Variants in TRIM22 observed in about 807,000 individuals in gnomAD.
TRIM22 encodes E3 ubiquitin-protein ligase TRIM22.
Under a neutral mutation model 53.6 loss-of-function variants are expected in TRIM22, and 45 were observed. That is an observed-to-expected ratio of 0.84 (90% CI 0.66 to 1.08). TRIM22 has a LOEUF of 1.08. TRIM22 is among the 50% of genes least tolerant of loss of function. The pLI, the probability that TRIM22 is intolerant of heterozygous loss-of-function variation, is 0.00. For missense variants in TRIM22, 616 were observed against 590.9 expected, an observed-to-expected ratio of 1.04 and a Z score of -0.44; for synonymous variants, 225 against 216.6, an observed-to-expected ratio of 1.04 and a Z score of -0.34.
At chr11:5,706,534 A>G in intron 4 of TRIM22, 60 bp from the exon 5 acceptor site, 9 of 1,566,270 alleles carry the variant, frequency 5.7e-6, no homozygotes, top group Non-Finnish European at 7.9e-6. Flanking sequence ...TGAACTAGCC[A>G]CTTTTATGTT....
intron 4 of TRIM22, among the ~76,000 whole-genome samples, chr11:5,700,101 T>C (rs192136933): frequency 6.6e-6 from 1 of 151,934 alleles, no homozygotes; most frequent in African/African-American, 2.4e-5. Context: ...TTTCATACTC[T>C]GCAGTTTGTA....
At chr11:5,707,784 C>T (rs753760651) in intron 5 of TRIM22, among the ~76,000 whole-genome samples, 4 of 151,970 alleles carry the variant, frequency 2.6e-5, no homozygotes, top group Non-Finnish European at 5.9e-5. Context: ...TACACTCCAG[C>T]CTGGATAACA....
intron 4 of TRIM22, among the ~76,000 whole-genome samples, chr11:5,705,254 A>G (rs541645523): frequency 6.6e-6 from 1 of 152,194 alleles, no homozygotes; most frequent in Non-Finnish European, 1.5e-5. Context: ...GTCATGAGTA[A>G]AAAGAGCCGT....
intron 4 of TRIM22, among the ~76,000 whole-genome samples, chr11:5,701,183 C>G (rs548297344): frequency 2.6e-5 from 4 of 152,218 alleles, no homozygotes; most frequent in Non-Finnish European, 4.4e-5. Flanking sequence ...AATGTCTTTA[C>G]TTGGCTCTGG....
intron 5 of TRIM22, among the ~76,000 whole-genome samples, chr11:5,707,705 G>T (rs1456960248): frequency 6.6e-6 from 1 of 152,036 alleles, no homozygotes; most frequent in Non-Finnish European, 1.5e-5. Flanking sequence ...CCAGCTACTT[G>T]GGAGGCTGAG....
At chr11:5,699,126 A>C (rs1171152852) in intron 4 of TRIM22, among the ~76,000 whole-genome samples, 2 of 152,218 alleles carry the variant, frequency 1.3e-5, no homozygotes, top group Non-Finnish European at 2.9e-5. Context: ...TGGCTATATG[A>C]ATATTTTCCA....
At chr11:5,692,267 G>A (rs1439498643) in intron 1 of TRIM22, among the ~76,000 whole-genome samples, 3 of 152,214 alleles carry the variant, frequency 2.0e-5, no homozygotes, top group Non-Finnish European at 4.4e-5. Flanking sequence ...CAAGGGCTTT[G>A]CAACTTTAAA....
In TRIM22 at chr11:5,709,079, G is replaced by GTTGCTATT; in HGVS notation, c.928_929insTTGCTATT (p.Ala310ValfsTer17). 1 of 1,613,510 alleles carries GTTGCTATT rather than the reference G, an allele frequency of 6.2e-7. No individual in the cohort carries two copies. Among genetic ancestry groups the GTTGCTATT allele is most frequent in the South Asian group, 1.1e-5 (1 of 91,076 alleles). On this transcript the variant is annotated frameshift_variant, in exon 8 of 8. Transcript: ENST00000379965. LOFTEE classifies it high-confidence loss of function. ...GGACGTGATGCTGAATCCAGGCAGTGCCACTTCGAATGTTGCTATTTCTGT... is the reference window on the plus strand; with the variant it reads ...GGACGTGATGCTGAATCCAGGCAGTGTTGCTATTCCACTTCGAATGTTGCTATTTCTGT...
intron 1 of TRIM22, among the ~76,000 whole-genome samples, chr11:5,692,917 C>T (rs1454677587): frequency 7.4e-6 from 1 of 135,720 alleles, no homozygotes; most frequent in Non-Finnish European, 1.5e-5. Context: ...TGCTCTGTTG[C>T]CAGGCTGGAG....
At position 5,698,591 on chromosome 11, in the gene TRIM22, C is replaced by T. The variant is rs1245414790; in HGVS notation, c.750+46C>T. 3 of 1,481,962 alleles carry T rather than the reference C, an allele frequency of 2.0e-6. No homozygotes were observed. The African/African-American group carries it at 4.2e-5, about 21-fold the overall frequency. The allele number at this position is 1,481,962 out of a possible 1,614,324, so 91.8% of individuals were successfully genotyped here. A position where few individuals can be genotyped will look rare whatever the true frequency, so the allele number is the denominator to read the frequency against. Reference sequence around the variant, plus strand: ...CCTACGTAAGAGATTAGGGGAAAAACACAGAGGCCGATTTTCCTTCCCTTC... The same window carrying T: ...CCTACGTAAGAGATTAGGGGAAAAATACAGAGGCCGATTTTCCTTCCCTTC... On this transcript the variant is annotated intron_variant, in intron 4 of 7. Transcript: ENST00000379965.
rs1039507831 is a variant in TRIM22, at chr11:5,709,726, A to C, written c.*78A>C. On this transcript the variant is annotated 3_prime_UTR_variant, in exon 8 of 8. Coordinates refer to ENST00000379965, the MANE Select transcript of TRIM22 (RefSeq NM_006074.5). ...AGATTCTGCACCTGAGTTCATCTCT[A>C]CTGAGACCATCTCTTCCTTTCTTTC... The C allele has an allele frequency of 8.2e-6, 10 of 1,214,838 alleles. No individual in the cohort carries two copies. Among genetic ancestry groups the C allele is most frequent in the Middle Eastern group, 2.0e-4 (1 of 5,100 alleles). 75.3% of individuals were successfully genotyped at this position (1,214,838 alleles called of 1,614,324 possible).
At position 5,697,580 on chromosome 11, in the gene TRIM22, G is replaced by A. The variant is rs1036398211; in HGVS notation, c.519+237G>A. The A allele has an allele frequency of 3.3e-5, 14 of 426,168 alleles. No individual in the cohort carries two copies. In the East Asian group the frequency reaches 3.8e-4, roughly 12 times the overall value. The allele number at this position is 426,168 out of a possible 1,614,324, so 26.4% of individuals were successfully genotyped here. A position where few individuals can be genotyped will look rare whatever the true frequency, so the allele number is the denominator to read the frequency against. ...CATGGAGGGAAATATCTGTGAAAACGCTTCCTGTGAATCCTGTGTTCCATT... is the reference window on the plus strand; with the variant it reads ...CATGGAGGGAAATATCTGTGAAAACACTTCCTGTGAATCCTGTGTTCCATT... On this transcript the variant is annotated intron_variant, in intron 3 of 7. Coordinates refer to ENST00000379965, the MANE Select transcript of TRIM22 (RefSeq NM_006074.5).
rs1326053810 is a variant in TRIM22 at position 5,710,264 on chromosome 11, A to G, written c.*616A>G. The G allele has an allele frequency of 6.6e-6, 1 of 151,278 alleles. No individual in the cohort carries two copies. Among genetic ancestry groups the G allele is most frequent in the Non-Finnish European group, 1.5e-5 (1 of 67,982 alleles). The allele number at this position is 151,278 out of a possible 1,614,324, so 9.4% of individuals were successfully genotyped here. On this transcript the variant is annotated 3_prime_UTR_variant, in exon 8 of 8. Coordinates refer to ENST00000379965, the MANE Select transcript of TRIM22 (RefSeq NM_006074.5). Reference sequence around the variant, plus strand: ...CTTGGTTTCACTAGTAGTAAACATTATTATTTTTTTTATATTTGCAAAGGA... The same window carrying G: ...CTTGGTTTCACTAGTAGTAAACATTGTTATTTTTTTTATATTTGCAAAGGA...
At chr11:5,704,722 T>A (rs960462979) in intron 4 of TRIM22, among the ~76,000 whole-genome samples, 42 of 152,366 alleles carry the variant, frequency 2.8e-4, no homozygotes, top group Non-Finnish European at 1.6e-4. Context: ...AAATCCAATG[T>A]CATGCAATTT....
intron 4 of TRIM22, among the ~76,000 whole-genome samples, chr11:5,702,648 C>T (rs546452784): frequency 1.3e-5 from 2 of 152,014 alleles, no homozygotes; most frequent in South Asian, 2.1e-4. Context: ...TTTCACTTAT[C>T]CATAAGCTGT....
rs754700838 is a variant in TRIM22 at position 5,709,060 on chromosome 11, G to C, written c.909G>C (p.Val303=). Residue 303 remains valine, a synonymous_variant, in exon 8 of 8, where the codon GTG becomes GTC. Coordinates refer to ENST00000379965, the MANE Select transcript of TRIM22 (RefSeq NM_006074.5). ...LTDVQYYWVD[V]MLNPGSATSN... Reference sequence around the variant, plus strand: ...TGGTAATTTTTTCTACAGTGGACGTGATGCTGAATCCAGGCAGTGCCACTT... The same window carrying C: ...TGGTAATTTTTTCTACAGTGGACGTCATGCTGAATCCAGGCAGTGCCACTT... 7.4e-6 allele frequency: 12 copies of C among 1,611,834 alleles called. No homozygotes were observed. The highest frequency in any genetic ancestry group is 1.0e-5 in the Non-Finnish European group (12 of 1,178,134).
At position 5,709,787 on chromosome 11, in the gene TRIM22, G is replaced by T; in HGVS notation, c.*139G>T. 1 of 765,556 alleles carries T rather than the reference G, an allele frequency of 1.3e-6. No homozygotes were observed. The highest frequency in any genetic ancestry group is 2.5e-5 in the East Asian group (1 of 39,892). The allele number at this position is 765,556 out of a possible 1,614,324, so 47.4% of individuals were successfully genotyped here. A position where few individuals can be genotyped will look rare whatever the true frequency, so the allele number is the denominator to read the frequency against. On this transcript the variant is annotated 3_prime_UTR_variant, in exon 8 of 8. Transcript: ENST00000379965. ...ACTTAGAATGTCTTTGTATTCATTT[G>T]CTAGGGCTTCCATAGCAAAGCATCA...
At chr11:5,708,709 TG>T in intron 7 of TRIM22, 106 bp downstream of exon 7, 2 of 990,482 alleles carry the variant, frequency 2.0e-6, no homozygotes, top group Admixed American at 6.8e-5. Context: ...GCTTAAACCA[TG>T]TAGTTCTTTT....
chr11:5,707,848 T>C (rs1853485729), intron 5 of TRIM22, among the ~76,000 whole-genome samples: 1 of 148,914 alleles, frequency 6.7e-6, no homozygotes, highest in African/African-American at 2.5e-5. Flanking sequence ...AAAGCATTAT[T>C]ATTTTATCTA....
Sources: gnomAD v4.1 joint callset for allele counts (sites outside exome capture counted in the v4.1 genomes callset) on GRCh38, gnomAD v4.1.1 for gene constraint, MANE v1.5 for transcripts, NCBI Gene and HGNC (gene_info 2026-07-23, HGNC 2026-07-21) for gene names.